MYT1L: variants seen among roughly 807,000 people sequenced by gnomAD.
MYT1L encodes the protein myelin transcription factor 1-like protein.
A neutral mutation model predicts 126.7 loss-of-function variants in MYT1L; 12 were observed. That is an observed-to-expected ratio of 0.09 (90% CI 0.06 to 0.15). MYT1L has a LOEUF of 0.15. MYT1L is among the 10% of genes least tolerant of loss of function. MYT1L has a pLI of 1.00. For missense variants in MYT1L, 979 were observed against 1,585.2 expected (o/e 0.62, Z 6.49); for synonymous variants, 541 against 604.2 (o/e 0.90, Z 1.53).
At position 2,093,541 on chromosome 2, in the gene MYT1L, G is replaced by GT. The variant is rs1341456017; in HGVS notation, c.-303-39419dup. Among the ~76,000 whole-genome samples, 8 of 152,054 alleles carry GT rather than the reference G, an allele frequency of 5.3e-5. No individual in the cohort carries two copies. The South Asian group carries it at 8.3e-4, about 16-fold the overall frequency. On this transcript the variant is annotated intron_variant, in intron 3 of 24. Transcript: ENST00000647738. ...TGCCCACTTGTTGATGGGGTTGTTT[G>GT]TTTTTTTCTTGTAAATTTGTTTGAG...
At chr2:2,110,711 T>TC (rs2079329289) in intron 3 of MYT1L, among the ~76,000 whole-genome samples, 1 of 152,152 alleles carries the variant, frequency 6.6e-6, no homozygotes, top group Non-Finnish European at 1.5e-5. Context: ...CAGTCTTTCA[T>TC]GGTCAAACTC....
intron 3 of MYT1L, among the ~76,000 whole-genome samples, chr2:2,058,830 G>A (rs2069974001): frequency 6.6e-6 from 1 of 152,196 alleles, no homozygotes; most frequent in South Asian, 2.1e-4. Context: ...TGAGCCCAGG[G>A]ATGTGAGGCT....
At chr2:2,030,344 G>C (rs771453796) in intron 4 of MYT1L, among the ~76,000 whole-genome samples, 1 of 152,100 alleles carries the variant, frequency 6.6e-6, no homozygotes, top group South Asian at 2.1e-4. Flanking sequence ...TGATCCACCC[G>C]CCTCAGCCTC....
chr2:1,793,570 T>C lies in MYT1L; in HGVS notation c.3277-1106A>G, dbSNP rs1405782506. 6.6e-6 allele frequency among the ~76,000 whole-genome samples: 1 copy of C among 152,064 alleles called. No homozygotes were observed. The highest frequency in any genetic ancestry group is 1.5e-5 in the Non-Finnish European group (1 of 68,012). ...CTGGCCCTCCCTTGGCTGTACTGGG[T>C]CAAATCCCGGGTTCTCCCAGTCACC... On this transcript the variant is annotated intron_variant, in intron 23 of 24. Transcript: ENST00000647738. The surrounding 1 kb of genome is among the most constrained non-coding windows in gnomAD (Gnocchi z 4.6).
chr2:2,186,970 C>T (rs2092257017), intron 2 of MYT1L, among the ~76,000 whole-genome samples: 1 of 152,088 alleles, frequency 6.6e-6, no homozygotes, highest in African/African-American at 2.4e-5. Flanking sequence ...TCTGATCCTC[C>T]TTTTGGAAAA....
chr2:1,899,063 G>A (rs973725833), intron 14 of MYT1L, among the ~76,000 whole-genome samples: 1 of 150,734 alleles, frequency 6.6e-6, no homozygotes, highest in African/African-American at 2.4e-5. Context: ...GAGCCCATTT[G>A]GGGGCTGGTA....
At chr2:2,167,956 G>A (rs921289066) in intron 3 of MYT1L, among the ~76,000 whole-genome samples, 25 of 152,120 alleles carry the variant, frequency 1.6e-4, no homozygotes, top group African/African-American at 5.8e-4. Flanking sequence ...TTGTGTGTAT[G>A]GATGGGGCAT....
At chr2:2,075,467 A>G (rs1326631312) in intron 3 of MYT1L, among the ~76,000 whole-genome samples, 5 of 152,190 alleles carry the variant, frequency 3.3e-5, no homozygotes, top group Admixed American at 3.3e-4. Context: ...AGACCCTAAG[A>G]TGAACGAGAG....
intron 23 of MYT1L, among the ~76,000 whole-genome samples, chr2:1,797,387 C>CTAA (rs1032750384): frequency 1.3e-5 from 2 of 152,188 alleles, no homozygotes; most frequent in Non-Finnish European, 1.5e-5. Context: ...CCACGCTAGG[C>CTAA]TTTTTTGTAT....
At chr2:2,093,068 G>A (rs1287623795) in intron 3 of MYT1L, among the ~76,000 whole-genome samples, 1 of 152,162 alleles carries the variant, frequency 6.6e-6, no homozygotes, top group Non-Finnish European at 1.5e-5. Flanking sequence ...TAAATACAGA[G>A]GATGAACTGA....
At chr2:1,958,587 T>C (rs1473554005) in intron 8 of MYT1L, among the ~76,000 whole-genome samples, 1 of 152,220 alleles carries the variant, frequency 6.6e-6, no homozygotes, top group Non-Finnish European at 1.5e-5. Flanking sequence ...CTGGGCAAGC[T>C]GGCCAGGGCT....
intron 2 of MYT1L, among the ~76,000 whole-genome samples, chr2:2,251,333 G>A (rs944349158): frequency 6.6e-6 from 1 of 152,034 alleles, no homozygotes; most frequent in Non-Finnish European, 1.5e-5. Flanking sequence ...GTGGAGATAC[G>A]TCCGCTGCAG....
In MYT1L at chr2:1,929,984, G is replaced by A. The variant is rs1185592571; in HGVS notation, c.506-6721C>T. ...TTTTCTGAGACATAGGAAGATCCGTGTTTAGCAGGCATTCATCTGCTTCGA... is the reference window on the plus strand; with the variant it reads ...TTTTCTGAGACATAGGAAGATCCGTATTTAGCAGGCATTCATCTGCTTCGA... On this transcript the variant is annotated intron_variant, in intron 9 of 24. Coordinates refer to ENST00000647738, the MANE Select transcript of MYT1L (RefSeq NM_001303052.2). This position sits in a 1 kb window ranked among gnomAD's most constrained non-coding sequence, Gnocchi z 4.7. 6.6e-6 allele frequency among the ~76,000 whole-genome samples: 1 copy of A among 152,204 alleles called. No individual in the cohort carries two copies. The highest frequency in any genetic ancestry group is 2.4e-5 in the African/African-American group (1 of 41,464).
chr2:2,206,602 T>C (rs899959045), intron 2 of MYT1L, among the ~76,000 whole-genome samples: 1 of 152,318 alleles, frequency 6.6e-6, no homozygotes, highest in African/African-American at 2.4e-5. Flanking sequence ...AAAATGAAAT[T>C]AAAACATGGA....
chr2:2,064,585 A>T (rs1444112606), intron 3 of MYT1L, among the ~76,000 whole-genome samples: 1 of 151,654 alleles, frequency 6.6e-6, no homozygotes, highest in Non-Finnish European at 1.5e-5. Context: ...TTGCTCAGGG[A>T]GTTTTTTGTG....
At chr2:1,828,871 T>C (rs528484409) in intron 21 of MYT1L, among the ~76,000 whole-genome samples, 3 of 152,308 alleles carry the variant, frequency 2.0e-5, no homozygotes, top group Admixed American at 6.5e-5. Flanking sequence ...AAAAAATGTA[T>C]GGTGGACGAG....
At chr2:2,122,511 G>A (rs1473990189) in intron 3 of MYT1L, among the ~76,000 whole-genome samples, 1 of 152,132 alleles carries the variant, frequency 6.6e-6, no homozygotes, top group Non-Finnish European at 1.5e-5. Context: ...GCCGGCGTAG[G>A]CACATAACAC....
intron 3 of MYT1L, among the ~76,000 whole-genome samples, chr2:2,073,188 A>G (rs1198281944): frequency 6.6e-6 from 1 of 152,044 alleles, no homozygotes; most frequent in African/African-American, 2.4e-5. Context: ...GGACACAAAC[A>G]TTGAGTCCAT....
At chr2:1,879,172 C>A (rs760391022) in intron 18 of MYT1L, among the ~76,000 whole-genome samples, 1 of 152,170 alleles carries the variant, frequency 6.6e-6, no homozygotes, top group Non-Finnish European at 1.5e-5. Flanking sequence ...CTCAAGAAAG[C>A]GCCTGGGAGA....
Sources: gnomAD v4.1 joint callset for allele counts (sites outside exome capture counted in the v4.1 genomes callset) on GRCh38, gnomAD v4.1.1 for gene constraint, Gnocchi (gnomAD v3.1) non-coding constraint, MANE v1.5 for transcripts, NCBI Gene and HGNC (gene_info 2026-07-23, HGNC 2026-07-21) for gene names.